Variants in PRKG1 observed in about 807,000 individuals in gnomAD.
The protein encoded by PRKG1 is cGMP-dependent protein kinase 1.
Under a neutral mutation model 88.1 loss-of-function variants are expected in PRKG1, and 35 were observed. That is an observed-to-expected ratio of 0.40 (90% CI 0.30 to 0.53). PRKG1 has a LOEUF of 0.53. PRKG1 is among the 20% of genes least tolerant of loss of function. The pLI is 0.59. For synonymous variants in PRKG1, 303 were observed against 292.5 expected (o/e 1.04, Z -0.37); for missense variants, 540 against 839.8 (o/e 0.64, Z 4.41).
chr10:51,050,381 AT>A (rs1194878753), intron 1 of PRKG1, among the ~76,000 whole-genome samples: 2 of 152,050 alleles, frequency 1.3e-5, no homozygotes, highest in South Asian at 4.2e-4. Flanking sequence ...ACATCTGACT[AT>A]TTTAGATTCC....
At chr10:51,956,050 G>A (rs757747849) in intron 5 of PRKG1, among the ~76,000 whole-genome samples, 3 of 152,076 alleles carry the variant, frequency 2.0e-5, no homozygotes, top group Non-Finnish European at 4.4e-5. Flanking sequence ...TGATGAAACT[G>A]ATCTCTAATT....
intron 2 of PRKG1, among the ~76,000 whole-genome samples, chr10:51,308,060 G>A (rs1440578200): frequency 6.6e-6 from 1 of 152,048 alleles, no homozygotes; most frequent in Non-Finnish European, 1.5e-5. Flanking sequence ...TTAACAACTG[G>A]GAATTCAAGT....
chr10:52,218,552 A>G (rs367583263), intron 9 of PRKG1, among the ~76,000 whole-genome samples: 1 of 152,174 alleles, frequency 6.6e-6, no homozygotes, highest in East Asian at 1.9e-4. Flanking sequence ...GCAATACAAA[A>G]TTTTGGTTCA....
chr10:52,028,193 G>C (rs1221691970), intron 5 of PRKG1, among the ~76,000 whole-genome samples: 1 of 152,110 alleles, frequency 6.6e-6, no homozygotes, highest in Non-Finnish European at 1.5e-5. Flanking sequence ...AGGGCACCCA[G>C]GTCGAACAGA....
chr10:51,715,465 A>G (rs1359882541), intron 3 of PRKG1, among the ~76,000 whole-genome samples: 3 of 152,162 alleles, frequency 2.0e-5, no homozygotes, highest in Non-Finnish European at 4.4e-5. Flanking sequence ...CTCAGGGGGT[A>G]TGCAGACTTC....
chr10:51,848,788 C>G (rs943107384), intron 4 of PRKG1, among the ~76,000 whole-genome samples: 2 of 151,592 alleles, frequency 1.3e-5, no homozygotes, highest in African/African-American at 2.4e-5. Context: ...ATTACAGGTA[C>G]AAGCCACTTC....
At chr10:51,565,925 C>G (rs1467430108) in intron 3 of PRKG1, among the ~76,000 whole-genome samples, 1 of 151,998 alleles carries the variant, frequency 6.6e-6, no homozygotes, top group Non-Finnish European at 1.5e-5. Context: ...GGTGTTCTTT[C>G]AAACTGGGTT....
intron 5 of PRKG1, among the ~76,000 whole-genome samples, chr10:51,945,033 C>A (rs1842994197): frequency 6.6e-6 from 1 of 151,084 alleles, no homozygotes; most frequent in Non-Finnish European, 1.5e-5. Context: ...TCTCGTTGAT[C>A]TGTCTAATGT....
chr10:51,737,745 T>TTAC (rs1491421170), intron 3 of PRKG1, among the ~76,000 whole-genome samples: 2 of 118,642 alleles, frequency 1.7e-5, no homozygotes, highest in Non-Finnish European at 3.7e-5. Context: ...TTATTAATTA[T>TTAC]TATTATTATT....
chr10:52,042,546 A>G (rs1337269587), intron 5 of PRKG1, among the ~76,000 whole-genome samples: 1 of 152,156 alleles, frequency 6.6e-6, no homozygotes, highest in African/African-American at 2.4e-5. Flanking sequence ...CTAGATCCCT[A>G]TCTCTCACCA....
chr10:51,818,293 C>T (rs192525710), intron 4 of PRKG1, among the ~76,000 whole-genome samples: 186 of 152,242 alleles, frequency 1.2e-3, no homozygotes, highest in African/African-American at 4.3e-3. Context: ...ACAGTTCATC[C>T]AGAGAGTCTT....
chr10:51,212,803 C>T (rs954644562), intron 2 of PRKG1, among the ~76,000 whole-genome samples: 1 of 152,202 alleles, frequency 6.6e-6, no homozygotes, highest in African/African-American at 2.4e-5. Context: ...CGATCATTAA[C>T]AAGTCAGGAA....
intron 1 of PRKG1, among the ~76,000 whole-genome samples, chr10:51,005,193 T>C (rs539880428): frequency 1.3e-5 from 2 of 152,256 alleles, no homozygotes; most frequent in East Asian, 1.9e-4. Flanking sequence ...AAAATCATTT[T>C]GGGGGAGGAG....
chr10:51,722,036 C>A (rs1842025786), intron 3 of PRKG1, among the ~76,000 whole-genome samples: 1 of 152,150 alleles, frequency 6.6e-6, no homozygotes, highest in African/African-American at 2.4e-5. Flanking sequence ...TCAAGACCAG[C>A]CTGGCCAAGA....
chr10:51,075,608 G>A (rs752570640), intron 1 of PRKG1, among the ~76,000 whole-genome samples: 4 of 152,214 alleles, frequency 2.6e-5, no homozygotes, highest in Non-Finnish European at 5.9e-5. Flanking sequence ...TACTAATGGA[G>A]CATCTCCATC....
chr10:51,233,744 T>A (rs533448887), intron 2 of PRKG1, among the ~76,000 whole-genome samples: 3 of 152,314 alleles, frequency 2.0e-5, no homozygotes, highest in Non-Finnish European at 2.9e-5. Context: ...TAAGAAATCT[T>A]CTTATACCTT....
At chr10:51,615,058 T>G (rs1349958020) in intron 3 of PRKG1, among the ~76,000 whole-genome samples, 2 of 87,930 alleles carry the variant, frequency 2.3e-5, no homozygotes, top group African/African-American at 8.8e-5. Context: ...TTTGAATATA[T>G]CCATCTTTGA....
chr10:51,672,771 A>G (rs1458357255), intron 3 of PRKG1, among the ~76,000 whole-genome samples: 1 of 152,226 alleles, frequency 6.6e-6, no homozygotes, highest in Non-Finnish European at 1.5e-5. Flanking sequence ...AGTAAAAATT[A>G]AAACAACTAA....
rs1473667531 is a variant in PRKG1 at position 51,854,642 on chromosome 10, G to GA, written c.698+49958dup. ...GAAACAAGTTGCCAAAAATATGTAA[G>GA]AAAAAACCTCACACCTACATAAGCA... On this transcript the variant is annotated intron_variant, in intron 4 of 17. Coordinates refer to ENST00000373980, the MANE Select transcript of PRKG1 (RefSeq NM_006258.4). Among the ~76,000 whole-genome samples the GA allele has an allele frequency of 1.9e-4, 29 of 152,172 alleles. No individual in the cohort carries two copies. In the South Asian group the frequency reaches 5.6e-3, roughly 29 times the overall value.
Sources: allele counts gnomAD v4.1 joint callset (sites outside exome capture counted in the v4.1 genomes callset), GRCh38; gene constraint gnomAD v4.1.1; transcripts MANE v1.5; gene names NCBI Gene and HGNC (gene_info 2026-07-23, HGNC 2026-07-21).